The following TCEANC2 variants were observed in gnomAD, a reference collection of about 807,000 sequenced individuals.
The protein encoded by TCEANC2 is transcription elongation factor A N-terminal and central domain containing 2.
TCEANC2 carries 20 observed loss-of-function variants against 22.8 expected under a neutral mutation model. The observed-to-expected ratio is 0.88, with a 90% CI of 0.62 to 1.28. The LOEUF (loss-of-function observed/expected upper bound fraction) is 1.28, where lower values mean the gene tolerates loss of function less well. Ranked by LOEUF, TCEANC2 falls within the 50% of genes most tolerant of loss-of-function variation. The pLI is 0.00. For missense variants in TCEANC2, 251 were observed against 249.7 expected (o/e 1.01, Z -0.03); for synonymous variants, 84 against 95.5 (o/e 0.88, Z 0.70).
In TCEANC2 at chr1:54,104,562, C is replaced by T. The variant is rs565223399; in HGVS notation, c.*8089C>T. 235 of 452,388 alleles carry T rather than the reference C, an allele frequency of 5.2e-4. 1 individual carries two copies. The highest frequency in any genetic ancestry group is 4.3e-3 in the African/African-American group (215 of 49,754). The allele number at this position is 452,388 out of a possible 1,614,324, so 28.0% of individuals were successfully genotyped here. Reference sequence around the variant, plus strand: ...CCAATTTTTTTTTCTTTTTCTTTTTCAGAGGTGGAGTCTCTGTCACCCAGG... The same window carrying T: ...CCAATTTTTTTTTCTTTTTCTTTTTTAGAGGTGGAGTCTCTGTCACCCAGG... On this transcript the variant is annotated 3_prime_UTR_variant, in exon 5 of 5. Coordinates refer to ENST00000234827, the MANE Select transcript of TCEANC2 (RefSeq NM_153035.3).
Position 54,105,011 on chromosome 1 carries a change from G to T in TCEANC2, c.*8538G>T, listed in dbSNP as rs1281419675. ...CTGAGGGTAAGGAGGATCTAGAATGGATAGTAGAAGAGGGAGATGATGAGT... is the reference window on the plus strand; with the variant it reads ...CTGAGGGTAAGGAGGATCTAGAATGTATAGTAGAAGAGGGAGATGATGAGT... On this transcript the variant is annotated 3_prime_UTR_variant, in exon 5 of 5. Transcript: ENST00000234827. 6.1e-6 allele frequency: 1 copy of T among 164,942 alleles called. No homozygotes were observed. The highest frequency in any genetic ancestry group is 1.3e-5 in the Non-Finnish European group (1 of 74,740). 10.2% of individuals were successfully genotyped at this position (164,942 alleles called of 1,614,324 possible). A position where few individuals can be genotyped will look rare whatever the true frequency, so the allele number is the denominator to read the frequency against.
At chr1:54,090,578 T>C (rs1441348473) in intron 4 of TCEANC2, among the ~76,000 whole-genome samples, 1 of 152,208 alleles carries the variant, frequency 6.6e-6, no homozygotes. Flanking sequence ...TTTTCATGTT[T>C]ATAATTTTTA....
chr1:54,091,973 T>A (rs1466849230), intron 4 of TCEANC2, among the ~76,000 whole-genome samples: 1 of 152,256 alleles, frequency 6.6e-6, no homozygotes, highest in Admixed American at 6.5e-5. Context: ...ATGGTGCTAA[T>A]GAGATCCAGG....
exon 5 of TCEANC2, chr1:54,111,300 T>G (rs1039850653): frequency 2.0e-5 from 3 of 152,210 alleles, no homozygotes; most frequent in Non-Finnish European, 4.4e-5. Flanking sequence ...GGCGCAGCTT[T>G]TATTAGTTTG....
chr1:54,054,602 G>C (rs1235211673), intron 2 of TCEANC2, 78 bp downstream of exon 2: 1 of 1,407,738 alleles, frequency 7.1e-7, no homozygotes, highest in Admixed American at 2.5e-5. Flanking sequence ...GTTGTGGAAA[G>C]ACCTATGAAT....
At chr1:54,073,247 A>C (rs1001695183) in intron 3 of TCEANC2, among the ~76,000 whole-genome samples, 1 of 152,226 alleles carries the variant, frequency 6.6e-6, no homozygotes, top group African/African-American at 2.4e-5. Flanking sequence ...GATGAGAGGC[A>C]TGAGCCACTG....
rs551169640 is a variant in TCEANC2 at position 54,091,470 on chromosome 1, A to T, written c.438+2680A>T. Among the ~76,000 whole-genome samples the T allele has an allele frequency of 5.1e-4, 77 of 152,330 alleles. 1 individual carries two copies. The South Asian group carries it at 8.7e-3, about 17-fold the overall frequency. ...TTAAAAGCCTCTACAATTTGATCCTAGCATGTGTTATTGCAAATACCAAAT... is the reference window on the plus strand; with the variant it reads ...TTAAAAGCCTCTACAATTTGATCCTTGCATGTGTTATTGCAAATACCAAAT... On this transcript the variant is annotated intron_variant, in intron 4 of 4. Transcript: ENST00000234827.
intron 4 of TCEANC2, among the ~76,000 whole-genome samples, chr1:54,091,200 G>A (rs1195885290): frequency 1.3e-5 from 2 of 150,746 alleles, no homozygotes; most frequent in Non-Finnish European, 2.9e-5. Context: ...GCATTTGATA[G>A]CATGTTTATC....
At chr1:54,073,584 G>A (rs527501275) in intron 3 of TCEANC2, among the ~76,000 whole-genome samples, 1 of 152,140 alleles carries the variant, frequency 6.6e-6, no homozygotes, top group East Asian at 1.9e-4. Context: ...TAGTAATACT[G>A]CAGTGAAAGA....
At chr1:54,068,927 G>T in intron 3 of TCEANC2, 30 bp downstream of exon 3, 1 of 1,513,018 alleles carries the variant, frequency 6.6e-7, no homozygotes, top group South Asian at 1.4e-5. Context: ...TATTTTTTAA[G>T]AAAGCTTATA....
At chr1:54,089,880 C>G (rs1658409488) in intron 4 of TCEANC2, 12 of 643,822 alleles carry the variant, frequency 1.9e-5, no homozygotes. Context: ...CAAAAACGCA[C>G]CAAGTCGTCT....
chr1:54,109,820 T>C (rs1188722212), downstream of TCEANC2, among the ~76,000 whole-genome samples: 2 of 152,202 alleles, frequency 1.3e-5, no homozygotes. Context: ...CCCTCCTGCC[T>C]GATGTAGACA....
intron 4 of TCEANC2, among the ~76,000 whole-genome samples, chr1:54,092,306 G>T (rs1447540953): frequency 1.3e-5 from 2 of 152,226 alleles, no homozygotes; most frequent in East Asian, 3.9e-4. Context: ...AAAATATGAG[G>T]CAGTCTGAAG....
downstream of TCEANC2, among the ~76,000 whole-genome samples, chr1:54,110,596 C>T (rs975766429): frequency 3.3e-5 from 5 of 152,064 alleles, no homozygotes; most frequent in Admixed American, 2.6e-4. Context: ...AGAGCATAAC[C>T]TTGTCTCAAA....
intron 3 of TCEANC2, among the ~76,000 whole-genome samples, chr1:54,079,990 C>G (rs1658208113): frequency 6.6e-6 from 1 of 152,112 alleles, no homozygotes; most frequent in Non-Finnish European, 1.5e-5. Context: ...GCATCCAGCC[C>G]TTGTTGCCTT....
intron 3 of TCEANC2, among the ~76,000 whole-genome samples, chr1:54,069,187 T>A (rs1159418232): frequency 6.6e-6 from 1 of 152,252 alleles, no homozygotes; most frequent in Non-Finnish European, 1.5e-5. Context: ...AGTTTCTAAA[T>A]GCTTACATTT....
At chr1:54,074,823 A>G (rs896075591) in intron 3 of TCEANC2, among the ~76,000 whole-genome samples, 3 of 152,246 alleles carry the variant, frequency 2.0e-5, no homozygotes, top group African/African-American at 7.2e-5. Context: ...ATGTATGAAA[A>G]TGAAACAAAA....
chr1:54,072,804 A>G (rs1339212123), intron 3 of TCEANC2, among the ~76,000 whole-genome samples: 1 of 152,138 alleles, frequency 6.6e-6, no homozygotes, highest in East Asian at 1.9e-4. Flanking sequence ...TTTCTTAAAC[A>G]TTTAATATCT....
intron 3 of TCEANC2, among the ~76,000 whole-genome samples, chr1:54,072,278 C>G (rs1351923097): frequency 6.6e-6 from 1 of 152,140 alleles, no homozygotes; most frequent in Non-Finnish European, 1.5e-5. Context: ...TCTTCAGATA[C>G]GTATCTTCCA....
Sources: allele counts gnomAD v4.1 joint callset (sites outside exome capture counted in the v4.1 genomes callset), GRCh38; gene constraint gnomAD v4.1.1; transcripts MANE v1.5; gene names NCBI Gene and HGNC (gene_info 2026-07-23, HGNC 2026-07-21).